The following KALRN variants were observed in gnomAD, a reference collection of about 807,000 sequenced individuals.
KALRN encodes the protein kalirin.
A neutral mutation model predicts 353.7 loss-of-function variants in KALRN; 70 were observed. The ratio of observed to expected loss-of-function variants is 0.20; its 90% CI spans 0.16 to 0.24. The LOEUF is 0.24. KALRN is among the 10% of genes least tolerant of loss of function. The pLI, the probability that KALRN is intolerant of heterozygous loss-of-function variation, is 1.00. For missense variants in KALRN, 2,791 were observed against 3,756.7 expected (o/e 0.74, Z 6.72); for synonymous variants, 1,391 against 1,434.8 (o/e 0.97, Z 0.69).
At chr3:124,530,759 A>G (rs2067974797) in intron 33 of KALRN, among the ~76,000 whole-genome samples, 1 of 152,042 alleles carries the variant, frequency 6.6e-6, no homozygotes, top group African/African-American at 2.4e-5. Flanking sequence ...TTCAGTTTGT[A>G]TTTGTCTTAG....
chr3:124,390,587 A>G (rs1215284012), intron 11 of KALRN, among the ~76,000 whole-genome samples: 1 of 152,198 alleles, frequency 6.6e-6, no homozygotes, highest in Non-Finnish European at 1.5e-5. Context: ...TTTAAGAAAC[A>G]AGCTGGTGGT....
At chr3:124,657,404 T>G in intron 39 of KALRN, 44 bp from the exon 40 acceptor site, 1 of 1,418,634 alleles carries the variant, frequency 7.0e-7, no homozygotes. Flanking sequence ...CCAGAAAGCT[T>G]TCCTGTGAAA....
intron 1 of KALRN, among the ~76,000 whole-genome samples, chr3:124,185,212 C>T (rs2074069992): frequency 6.6e-6 from 1 of 152,148 alleles, no homozygotes; most frequent in Non-Finnish European, 1.5e-5. Flanking sequence ...GACAGGGTTT[C>T]GCCATGTTGG....
chr3:124,296,235 C>T (rs946016957), intron 5 of KALRN, among the ~76,000 whole-genome samples: 1 of 152,152 alleles, frequency 6.6e-6, no homozygotes, highest in African/African-American at 2.4e-5. Flanking sequence ...TCTCACAGGC[C>T]TCCCAAACTC....
chr3:124,076,251 G>T (rs375604395), intron 1 of KALRN, among the ~76,000 whole-genome samples: 3 of 152,208 alleles, frequency 2.0e-5, no homozygotes, highest in South Asian at 4.1e-4. Context: ...CAGCTAGGGT[G>T]GGGGGATAGG....
At chr3:124,584,837 A>C (rs1561342751) in intron 34 of KALRN, 1 of 1,605,508 alleles carries the variant, frequency 6.2e-7, no homozygotes, top group Non-Finnish European at 8.5e-7. Flanking sequence ...GGGCGGCGAC[A>C]GGGCTTACAC....
intron 29 of KALRN, among the ~76,000 whole-genome samples, chr3:124,489,650 G>A (rs570308166): frequency 6.6e-6 from 1 of 152,252 alleles, no homozygotes; most frequent in South Asian, 2.1e-4. Context: ...GGAAGTACCT[G>A]CAAGTACCCA....
At chr3:124,495,910 T>C (rs1272912362) in intron 32 of KALRN, among the ~76,000 whole-genome samples, 1 of 136,006 alleles carries the variant, frequency 7.4e-6, no homozygotes, top group Non-Finnish European at 1.6e-5. Context: ...GTAGGATATA[T>C]ATCTTCCTAC....
In KALRN at chr3:124,418,405, G is replaced by A. The variant is rs1460575173; in HGVS notation, c.2543-4407G>A. Among the ~76,000 whole-genome samples the A allele has an allele frequency of 2.6e-5, 4 of 152,296 alleles. No homozygotes were observed. In the East Asian group the frequency reaches 5.8e-4, roughly 22 times the overall value. On this transcript the variant is annotated intron_variant, in intron 14 of 59. Transcript: ENST00000682506. Reference sequence around the variant, plus strand: ...CAGGTGATTTTAAGGTACAACCAGGGTTGAGAACACTGATCTAAAAACCTC... The same window carrying A: ...CAGGTGATTTTAAGGTACAACCAGGATTGAGAACACTGATCTAAAAACCTC...
chr3:124,199,391 G>A (rs976383902), intron 1 of KALRN, among the ~76,000 whole-genome samples: 6 of 152,154 alleles, frequency 3.9e-5, no homozygotes, highest in Non-Finnish European at 8.8e-5. Flanking sequence ...CTGGATTTGT[G>A]TTGAACAGCC....
At chr3:124,264,379 A>C in intron 3 of KALRN, 119 bp from the exon 4 acceptor site, 2 of 793,862 alleles carry the variant, frequency 2.5e-6, no homozygotes, top group Non-Finnish European at 4.0e-6. Context: ...GAGACCTGGC[A>C]TGAAGTTGAA....
chr3:124,137,147 A>G (rs1440684729), intron 1 of KALRN, among the ~76,000 whole-genome samples: 1 of 152,186 alleles, frequency 6.6e-6, no homozygotes, highest in Non-Finnish European at 1.5e-5. Context: ...TTACCTGGAC[A>G]CTGGAGTCGC....
chr3:124,679,309 C>A lies in KALRN; in HGVS notation c.7318-149C>A, dbSNP rs141583897. On this transcript the variant is annotated intron_variant, in intron 50 of 59. Coordinates refer to ENST00000682506, the MANE Select transcript of KALRN (RefSeq NM_001388419.1). ...GAGCATGCTGCTGCCCCTGGTGATT[C>A]TCACCCCCACTTTAAAAACACCTGG... 2.1e-4 allele frequency: 134 copies of A among 652,274 alleles called. No homozygotes were observed. In the African/African-American group the frequency reaches 2.3e-3, roughly 11 times the overall value. 40.4% of individuals were successfully genotyped at this position (652,274 alleles called of 1,614,324 possible).
intron 5 of KALRN, among the ~76,000 whole-genome samples, chr3:124,291,064 G>A (rs149782667): frequency 1.2e-3 from 176 of 152,306 alleles, no homozygotes; most frequent in African/African-American, 4.1e-3. Flanking sequence ...TACTGAGAAT[G>A]ATAGAAGATG....
chr3:124,271,723 G>A (rs2074186319), intron 5 of KALRN, among the ~76,000 whole-genome samples: 1 of 152,144 alleles, frequency 6.6e-6, no homozygotes, highest in South Asian at 2.1e-4. Context: ...TTAGCCCCTA[G>A]GTCTCCTGGC....
chr3:124,091,871 A>G (rs1262653799), intron 1 of KALRN, among the ~76,000 whole-genome samples: 1 of 152,234 alleles, frequency 6.6e-6, no homozygotes, highest in African/African-American at 2.4e-5. Context: ...ATCCTTTCTA[A>G]TTGCACTGCA....
intron 3 of KALRN, among the ~76,000 whole-genome samples, chr3:124,260,116 C>T (rs2148847753): frequency 6.6e-6 from 1 of 152,296 alleles, no homozygotes; most frequent in South Asian, 2.1e-4. Flanking sequence ...CTTGCAAGGC[C>T]TGATTCTAAC....
intron 37 of KALRN, among the ~76,000 whole-genome samples, chr3:124,642,682 T>G (rs2082165569): frequency 6.6e-6 from 1 of 152,018 alleles, no homozygotes; most frequent in Non-Finnish European, 1.5e-5. Context: ...CCGGGTGGAG[T>G]TAGCAAAAGT....
intron 10 of KALRN, among the ~76,000 whole-genome samples, chr3:124,371,896 T>C (rs2085888542): frequency 6.6e-6 from 1 of 152,210 alleles, no homozygotes; most frequent in African/African-American, 2.4e-5. Context: ...TTTCATTCTT[T>C]CTATTTTTTG....
Sources: gnomAD v4.1 joint callset for allele counts (sites outside exome capture counted in the v4.1 genomes callset) on GRCh38, gnomAD v4.1.1 for gene constraint, MANE v1.5 for transcripts, NCBI Gene and HGNC (gene_info 2026-07-23, HGNC 2026-07-21) for gene names.